VAT1L: variants seen among roughly 807,000 people sequenced by gnomAD.
VAT1L encodes vesicle amine transport 1 like, also known as putative NADPH-dependent quinone oxidoreductase VAT1L.
In VAT1L, 34 loss-of-function variants were observed where a neutral mutation model predicts 44.1. The ratio of observed to expected loss-of-function variants is 0.77; its 90% CI spans 0.59 to 1.03. The LOEUF (loss-of-function observed/expected upper bound fraction) is 1.03. Ranked by LOEUF, VAT1L falls within the 50% of genes least tolerant of loss-of-function variation. The pLI, the probability that VAT1L is intolerant of heterozygous loss-of-function variation, is 0.00. For missense variants in VAT1L, 615 were observed against 538.8 expected (o/e 1.14, Z -1.40); for synonymous variants, 253 against 202.2 (o/e 1.25, Z -2.13).
intron 7 of VAT1L, among the ~76,000 whole-genome samples, chr16:77,964,779 CTTTTTTTTTTTTTTTTTTTT>C (rs10566511): frequency 0.13 from 12,347 of 92,248 alleles, 885 homozygotes; most frequent in Middle Eastern, 0.23. Context: ...CTTTGTAGCA[CTTTTTTTTTTTTTTTTTTTT>C]TTTTTTTTTT....
intron 4 of VAT1L, among the ~76,000 whole-genome samples, chr16:77,867,131 A>G (rs2016983187): frequency 6.6e-6 from 1 of 152,186 alleles, no homozygotes; most frequent in Non-Finnish European, 1.5e-5. Flanking sequence ...ACAGATAAGG[A>G]AATTGAGAGG....
chr16:77,903,887 C>A (rs903558467), intron 7 of VAT1L, among the ~76,000 whole-genome samples: 3 of 151,936 alleles, frequency 2.0e-5, no homozygotes, highest in Non-Finnish European at 4.4e-5. Context: ...CAGGCGTCCA[C>A]CACCACGCCC....
At chr16:77,975,575 C>T (rs533068380) in intron 8 of VAT1L, among the ~76,000 whole-genome samples, 1 of 152,190 alleles carries the variant, frequency 6.6e-6, no homozygotes, top group Non-Finnish European at 1.5e-5. Flanking sequence ...AGGACACACA[C>T]TGCTCCTCTA....
intron 7 of VAT1L, among the ~76,000 whole-genome samples, chr16:77,956,934 C>T (rs559813715): frequency 5.9e-5 from 9 of 152,294 alleles, no homozygotes; most frequent in African/African-American, 1.7e-4. Flanking sequence ...ATAGAGTCAA[C>T]GTATCTCAGT....
At chr16:77,802,507 C>T (rs1263571779) in intron 1 of VAT1L, among the ~76,000 whole-genome samples, 10 of 151,882 alleles carry the variant, frequency 6.6e-5, no homozygotes, top group Non-Finnish European at 1.0e-4. Flanking sequence ...CCCAGCTACT[C>T]GGGAGGCTGA....
chr16:77,896,643 G>A (rs1449716013), intron 7 of VAT1L, among the ~76,000 whole-genome samples: 1 of 152,128 alleles, frequency 6.6e-6, no homozygotes. Context: ...AGATTTCTGG[G>A]GCCTCAGGGC....
chr16:77,797,837 A>T (rs1026700041), intron 1 of VAT1L, among the ~76,000 whole-genome samples: 1 of 152,212 alleles, frequency 6.6e-6, no homozygotes, highest in Non-Finnish European at 1.5e-5. Context: ...GACTCTTCAC[A>T]GGAAAGGGTG....
intron 7 of VAT1L, among the ~76,000 whole-genome samples, chr16:77,929,508 A>G (rs981513483): frequency 3.9e-5 from 6 of 152,222 alleles, no homozygotes; most frequent in African/African-American, 1.2e-4. Context: ...TATTCCAGAG[A>G]ACATTTAAAA....
chr16:77,816,884 T>C, intron 1 of VAT1L, 37 bp from the exon 2 acceptor site: 1 of 1,559,678 alleles, frequency 6.4e-7, no homozygotes, highest in Non-Finnish European at 8.7e-7. Flanking sequence ...TTGGATCTCA[T>C]TTTGAATTTC....
chr16:77,834,033 T>C (rs1381769755), intron 3 of VAT1L, among the ~76,000 whole-genome samples: 1 of 152,176 alleles, frequency 6.6e-6, no homozygotes, highest in African/African-American at 2.4e-5. Flanking sequence ...CCTTATTCTT[T>C]TCACTCCTTA....
chr16:77,970,420 T>G (rs1212835149), intron 7 of VAT1L, among the ~76,000 whole-genome samples: 1 of 152,240 alleles, frequency 6.6e-6, no homozygotes, highest in Non-Finnish European at 1.5e-5. Flanking sequence ...TTAGTATATG[T>G]GTGTTTTTAT....
chr16:77,840,435 T>TTAGTTATCTAACTAA (rs2016692747), intron 3 of VAT1L, among the ~76,000 whole-genome samples: 1 of 152,196 alleles, frequency 6.6e-6, no homozygotes, highest in South Asian at 2.1e-4. Flanking sequence ...ATAAAGCTAG[T>TTAGTTATCTAACTAA]AGTTAGAGTA....
chr16:77,857,028 G>A (rs2016865960), intron 3 of VAT1L, among the ~76,000 whole-genome samples: 1 of 152,184 alleles, frequency 6.6e-6, no homozygotes, highest in Non-Finnish European at 1.5e-5. Flanking sequence ...TACAGTATCT[G>A]CCCCATGGTG....
chr16:77,844,469 C>T lies in VAT1L; in HGVS notation c.580-18279C>T, dbSNP rs557306998. On this transcript the variant is annotated intron_variant, in intron 3 of 8. Transcript: ENST00000302536. ...TGTCACCCAGACTGGAGTGCAGTGG[C>T]GCTATCTCAGCTCCCTGCAACCTCC... Among the ~76,000 whole-genome samples the T allele has an allele frequency of 5.6e-3, 847 of 152,010 alleles. 6 individuals carry two copies. Among genetic ancestry groups the T allele is most frequent in the Non-Finnish European group, 8.8e-3 (595 of 67,988 alleles).
chr16:77,933,662 G>A (rs2017758010), intron 7 of VAT1L, among the ~76,000 whole-genome samples: 6 of 152,188 alleles, frequency 3.9e-5, no homozygotes, highest in Admixed American at 3.9e-4. Flanking sequence ...AGGAGAAGAG[G>A]CTGAAGCAAA....
Position 77,879,262 on chromosome 16 carries a change from T to A in VAT1L, c.882+38T>A, listed in dbSNP as rs747494353. Reference sequence around the variant, plus strand: ...GCACATCTGATGTACTGTGGTGGCATGTTGATTCACATGTTGAGAGCTTTG... The same window carrying A: ...GCACATCTGATGTACTGTGGTGGCAAGTTGATTCACATGTTGAGAGCTTTG... On this transcript the variant is annotated intron_variant, in intron 6 of 8. Coordinates refer to ENST00000302536, the MANE Select transcript of VAT1L (RefSeq NM_020927.3). This position sits in a 1 kb window ranked among gnomAD's most constrained non-coding sequence, Gnocchi z 4.1. 2 of 1,596,806 alleles carry A rather than the reference T, an allele frequency of 1.3e-6. No homozygotes were observed. Among genetic ancestry groups the A allele is most frequent in the East Asian group, 4.5e-5 (2 of 44,778 alleles).
chr16:77,803,515 G>A (rs1227085905), intron 1 of VAT1L, among the ~76,000 whole-genome samples: 1 of 150,940 alleles, frequency 6.6e-6, no homozygotes, highest in Non-Finnish European at 1.5e-5. Flanking sequence ...CACCTCCTGG[G>A]TTCAGGCCAT....
At chr16:77,956,275 C>T (rs928996599) in intron 7 of VAT1L, among the ~76,000 whole-genome samples, 1 of 152,112 alleles carries the variant, frequency 6.6e-6, no homozygotes, top group Non-Finnish European at 1.5e-5. Context: ...CTTGGACAAG[C>T]CACTAACCTT....
chr16:77,948,606 T>C (rs1267794050), intron 7 of VAT1L, among the ~76,000 whole-genome samples: 1 of 152,198 alleles, frequency 6.6e-6, no homozygotes, highest in Admixed American at 6.5e-5. Context: ...TCCTTCCCTG[T>C]TACCCGGTTT....
Sources: allele counts gnomAD v4.1 joint callset (sites outside exome capture counted in the v4.1 genomes callset), GRCh38; gene constraint gnomAD v4.1.1; non-coding constraint Gnocchi (gnomAD v3.1); transcripts MANE v1.5; gene names NCBI Gene and HGNC (gene_info 2026-07-23, HGNC 2026-07-21).